Variants in ADCY8 observed in about 807,000 individuals in gnomAD.
ADCY8 encodes adenylate cyclase 8.
ADCY8 carries 51 observed loss-of-function variants against 119.7 expected under a neutral mutation model. The ratio of observed to expected loss-of-function variants is 0.43; its 90% CI spans 0.34 to 0.54. The LOEUF (loss-of-function observed/expected upper bound fraction) is 0.54, where lower values mean the gene tolerates loss of function less well. Among genes scored for constraint, ADCY8 ranks in the 20% least tolerant of loss-of-function variants. ADCY8 has a pLI of 0.03. For missense variants in ADCY8, 1,383 were observed against 1,598.8 expected (o/e 0.87, Z 2.30); for synonymous variants, 665 against 651.0 (o/e 1.02, Z -0.33).
chr8:130,916,340 G>A lies in ADCY8; in HGVS notation c.1482-6474C>T, dbSNP rs561698499. The stretch of plus-strand genomic sequence containing the variant: ...ATCTGAGTTTGCTGAGGGTACTTCA[G>A]GAGTCATTGTGGGGTAGGGACTGCC... On this transcript the variant is annotated intron_variant, in intron 5 of 17. Coordinates refer to ENST00000286355, the MANE Select transcript of ADCY8 (RefSeq NM_001115.3). 3.3e-5 allele frequency among the ~76,000 whole-genome samples: 5 copies of A among 152,296 alleles called. No individual in the cohort carries two copies. In the East Asian group the frequency reaches 9.6e-4, roughly 29 times the overall value.
At chr8:130,849,369 TC>T (rs1337279790) in intron 10 of ADCY8, among the ~76,000 whole-genome samples, 1 of 152,190 alleles carries the variant, frequency 6.6e-6, no homozygotes, top group Non-Finnish European at 1.5e-5. Context: ...CTTTTGGAAC[TC>T]CTTTGGAGAA....
rs542176948 is a variant in ADCY8 at position 130,939,491 on chromosome 8, G to A, written c.1354-2291C>T. 2.2e-4 allele frequency among the ~76,000 whole-genome samples: 34 copies of A among 152,250 alleles called. No homozygotes were observed. In the East Asian group the frequency reaches 4.6e-3, roughly 21 times the overall value. On this transcript the variant is annotated intron_variant, in intron 4 of 17. Coordinates refer to ENST00000286355, the MANE Select transcript of ADCY8 (RefSeq NM_001115.3). ...TCGGGTTGGTATGAGAGACTTATGC[G>A]AAAGAAAGCCTGGTACCATCAAAAT...
chr8:131,040,118 C>G lies in ADCY8; in HGVS notation c.216G>C (p.Ala72=). The G allele has an allele frequency of 6.6e-7, 1 of 1,526,644 alleles. No individual in the cohort carries two copies. Among genetic ancestry groups the G allele is most frequent in the East Asian group, 2.5e-5 (1 of 40,806 alleles). 94.6% of individuals were successfully genotyped at this position (1,526,644 alleles called of 1,614,324 possible). A position where few individuals can be genotyped will look rare whatever the true frequency, so the allele number is the denominator to read the frequency against. The change falls in exon 1 of 18, where the codon GCG becomes GCC. Residue 72 remains alanine (A), a synonymous_variant. Transcript: ENST00000286355. ...SGGSGKASDP[A]GGGPNHHAPQ... ...GCGCGTGGTGGTTGGGGCCGCCGCC[C>G]GCAGGGTCCGAGGCTTTGCCCGAGC... is the stretch of plus-strand genomic sequence containing the variant.
At chr8:130,804,686 G>A (rs1015824089) in intron 14 of ADCY8, among the ~76,000 whole-genome samples, 2 of 152,130 alleles carry the variant, frequency 1.3e-5, no homozygotes, top group African/African-American at 4.8e-5. Flanking sequence ...GGCAGCCAGG[G>A]GTGTCTTAAC....
chr8:130,918,843 C>A (rs2130575320), intron 5 of ADCY8, among the ~76,000 whole-genome samples: 1 of 152,312 alleles, frequency 6.6e-6, no homozygotes, highest in Admixed American at 6.5e-5. Flanking sequence ...GGCAGATCGC[C>A]TGAGGTCAGG....
chr8:130,987,666 A>G (rs1822444351), intron 2 of ADCY8, among the ~76,000 whole-genome samples: 1 of 152,174 alleles, frequency 6.6e-6, no homozygotes, highest in Admixed American at 6.5e-5. Flanking sequence ...TTCTTACAGC[A>G]TCTCCTTCAC....
At chr8:130,934,402 T>A (rs537408561) in intron 5 of ADCY8, among the ~76,000 whole-genome samples, 2 of 152,046 alleles carry the variant, frequency 1.3e-5, no homozygotes, top group Admixed American at 1.3e-4. Flanking sequence ...TACACACTTA[T>A]AAACAACCAG....
chr8:131,038,237 TCAAATTCGA>T (rs1444285145), intron 1 of ADCY8, among the ~76,000 whole-genome samples: 2 of 152,156 alleles, frequency 1.3e-5, no homozygotes, highest in Non-Finnish European at 2.9e-5. Context: ...CATCATCTAT[TCAAATTCGA>T]CCATAAGGAA....
chr8:130,947,192 C>T (rs969066437), intron 3 of ADCY8, among the ~76,000 whole-genome samples: 2 of 152,156 alleles, frequency 1.3e-5, no homozygotes, highest in African/African-American at 2.4e-5. Flanking sequence ...AATAGAATCC[C>T]CAAGGAAGCT....
intron 2 of ADCY8, among the ~76,000 whole-genome samples, chr8:130,988,891 C>T (rs1438081962): frequency 1.3e-5 from 2 of 152,186 alleles, no homozygotes; most frequent in Non-Finnish European, 2.9e-5. Flanking sequence ...GCATCCCATA[C>T]AACTCACCCA....
intron 2 of ADCY8, among the ~76,000 whole-genome samples, chr8:130,953,045 C>T (rs919637872): frequency 1.3e-5 from 2 of 152,178 alleles, no homozygotes; most frequent in African/African-American, 2.4e-5. Flanking sequence ...TAACTAGCAA[C>T]ATGAATTAAA....
chr8:130,923,437 T>A (rs1820375012), intron 5 of ADCY8, among the ~76,000 whole-genome samples: 2 of 152,220 alleles, frequency 1.3e-5, no homozygotes, highest in Admixed American at 1.3e-4. Flanking sequence ...GCCACAAGGA[T>A]TAAGACCTTT....
chr8:130,998,815 C>T (rs1286328222), intron 1 of ADCY8, among the ~76,000 whole-genome samples: 1 of 151,946 alleles, frequency 6.6e-6, no homozygotes, highest in Non-Finnish European at 1.5e-5. Context: ...TTTTTGTGGA[C>T]TACATAGAAA....
intron 11 of ADCY8, among the ~76,000 whole-genome samples, chr8:130,843,855 G>A (rs1283006601): frequency 2.0e-5 from 3 of 152,146 alleles, no homozygotes; most frequent in Non-Finnish European, 4.4e-5. Flanking sequence ...ACTGTAGGAA[G>A]GATGGAGTGT....
intron 2 of ADCY8, among the ~76,000 whole-genome samples, chr8:130,984,942 T>C (rs1303171027): frequency 1.3e-5 from 2 of 151,790 alleles, no homozygotes; most frequent in African/African-American, 2.4e-5. Flanking sequence ...GAAGTGAAGG[T>C]TGAAGCCATG....
intron 1 of ADCY8, among the ~76,000 whole-genome samples, chr8:131,033,778 A>G (rs774260209): frequency 1.3e-5 from 2 of 152,016 alleles, no homozygotes; most frequent in Non-Finnish European, 2.9e-5. Context: ...AAGCACACAC[A>G]CACACATACA....
chr8:130,847,634 G>A (rs1179114053), intron 10 of ADCY8, 121 bp from the exon 11 acceptor site: 9 of 751,608 alleles, frequency 1.2e-5, no homozygotes, highest in Middle Eastern at 3.7e-4. Context: ...ACGAGCCTGG[G>A]TAGACTGAAC....
chr8:130,809,428 C>A (rs1443409443), intron 14 of ADCY8, among the ~76,000 whole-genome samples: 1 of 152,190 alleles, frequency 6.6e-6, no homozygotes, highest in South Asian at 2.1e-4. Flanking sequence ...ACTTATGATA[C>A]CTTTGCTCTG....
intron 6 of ADCY8, among the ~76,000 whole-genome samples, chr8:130,906,393 A>C (rs747831000): frequency 6.6e-6 from 1 of 152,152 alleles, no homozygotes; most frequent in Non-Finnish European, 1.5e-5. Flanking sequence ...CCCTTTTAGC[A>C]TTTCTCTGGA....
Sources: allele counts gnomAD v4.1 joint callset (sites outside exome capture counted in the v4.1 genomes callset), GRCh38; gene constraint gnomAD v4.1.1; transcripts MANE v1.5; gene names NCBI Gene and HGNC (gene_info 2026-07-23, HGNC 2026-07-21).